MYL1: variants seen among roughly 807,000 people sequenced by gnomAD.
MYL1 encodes the protein myosin light chain 1, also known as myosin light chain 1/3, skeletal muscle isoform.
MYL1 carries 16 observed loss-of-function variants against 21.8 expected under a neutral mutation model. The ratio of observed to expected loss-of-function variants is 0.74; its 90% CI spans 0.50 to 1.12. The LOEUF (loss-of-function observed/expected upper bound fraction) is 1.12, where lower values mean the gene tolerates loss of function less well. Ranked by LOEUF, MYL1 falls within the 50% of genes most tolerant of loss-of-function variation. The pLI, the probability that MYL1 is intolerant of heterozygous loss-of-function variation, is 0.00. For missense variants in MYL1, 246 were observed against 241.0 expected (o/e 1.02, Z -0.14); for synonymous variants, 99 against 85.2 (o/e 1.16, Z -0.89).
Position 210,294,769 on chromosome 2 carries a change from T to G in MYL1, c.305-351A>C, listed in dbSNP as rs938903667. ...GTTTAATAGAATATCTAGTATAAAC[T>G]GAGTGCTTAATAAGTGTTAGCTTTT... On this transcript the variant is annotated intron_variant, in intron 3 of 6. Coordinates refer to ENST00000352451, the MANE Select transcript of MYL1 (RefSeq NM_079420.3). Among the ~76,000 whole-genome samples the G allele has an allele frequency of 1.3e-5, 2 of 152,202 alleles. 1 individual carries two copies. Among genetic ancestry groups the G allele is most frequent in the South Asian group, 4.1e-4 (2 of 4,828 alleles).
chr2:210,300,713 T>G, intron 2 of MYL1, among the ~76,000 whole-genome samples: 1 of 152,246 alleles, frequency 6.6e-6, no homozygotes, highest in East Asian at 1.9e-4. Context: ...AATTTTATTT[T>G]TAATTAATTA....
intron 1 of MYL1, among the ~76,000 whole-genome samples, chr2:210,305,835 C>T (rs965266310): frequency 2.6e-5 from 4 of 151,360 alleles, no homozygotes; most frequent in Non-Finnish European, 4.4e-5. Context: ...CCGAGGCGGG[C>T]GGATCACCTG....
At position 210,303,597 on chromosome 2, in the gene MYL1, G is replaced by A; in HGVS notation, c.133-1082C>T. 3.7e-6 allele frequency: 6 copies of A among 1,603,648 alleles called. No individual in the cohort carries two copies. In the South Asian group the frequency reaches 5.6e-5, roughly 15 times the overall value. ...AGGGAAGCTGAAGAGTGAGTTGAGG[G>A]CTGCTCCGGTCCCTGAGTGGGGTCA... On this transcript the variant is annotated intron_variant, in intron 1 of 6. Coordinates refer to ENST00000352451, the MANE Select transcript of MYL1 (RefSeq NM_079420.3).
intron 1 of MYL1, among the ~76,000 whole-genome samples, chr2:210,310,638 T>C (rs925863843): frequency 6.6e-6 from 1 of 152,022 alleles, no homozygotes; most frequent in South Asian, 2.1e-4. Flanking sequence ...TATTTCACCC[T>C]CCTTCTGCAG....
chr2:210,304,046 T>TAGC (rs1421299657), intron 1 of MYL1, among the ~76,000 whole-genome samples: 2 of 152,214 alleles, frequency 1.3e-5, no homozygotes, highest in African/African-American at 4.8e-5. Context: ...GCAACTGCTA[T>TAGC]AGCAGGAGCA....
chr2:210,296,129 A>T (rs1217170166), intron 3 of MYL1, among the ~76,000 whole-genome samples: 2 of 152,174 alleles, frequency 1.3e-5, no homozygotes, highest in African/African-American at 4.8e-5. Flanking sequence ...GAAAAACTTC[A>T]GTTTTGTATC....
chr2:210,302,977 G>T, intron 1 of MYL1: 2 of 588,142 alleles, frequency 3.4e-6, no homozygotes, highest in South Asian at 2.4e-5. Context: ...AGATAATTAG[G>T]GAATATCTTT....
intron 1 of MYL1, among the ~76,000 whole-genome samples, chr2:210,312,679 C>CT (rs890397409): frequency 3.9e-4 from 59 of 151,656 alleles, no homozygotes; most frequent in Non-Finnish European, 4.7e-4. Context: ...ATTTGTTTCT[C>CT]TTTTTTTTCT....
chr2:210,294,510 G>T (rs977561383), intron 3 of MYL1, 92 bp from the exon 4 acceptor site: 1 of 1,234,382 alleles, frequency 8.1e-7, no homozygotes, highest in Non-Finnish European at 1.1e-6. Context: ...TAGGTTATCT[G>T]AAAAACCTTC....
intron 1 of MYL1, among the ~76,000 whole-genome samples, chr2:210,304,359 T>C (rs1021601760): frequency 6.6e-6 from 1 of 152,168 alleles, no homozygotes; most frequent in Admixed American, 6.5e-5. Flanking sequence ...GGAAAGCTGA[T>C]AGATCATTTT....
chr2:210,292,702 C>T (rs1367065930), intron 5 of MYL1, among the ~76,000 whole-genome samples: 1 of 152,104 alleles, frequency 6.6e-6, no homozygotes, highest in Non-Finnish European at 1.5e-5. Flanking sequence ...GTAACCACTC[C>T]AAAGTTATAA....
chr2:210,298,435 T>C lies in MYL1; in HGVS notation c.289A>G (p.Asn97Asp), dbSNP rs1204357982. The C allele has an allele frequency of 6.2e-7, 1 of 1,613,904 alleles. No individual in the cohort carries two copies. Among genetic ancestry groups the C allele is most frequent in the African/African-American group, 1.3e-5 (1 of 74,978 alleles). Residue 97 changes from asparagine to aspartate, a missense_variant, in exon 3 of 7, where the codon AAC becomes GAC. Physicochemically the swap from Asn to Asp is conservative, Grantham distance 23. Transcript: ENST00000352451. ...TNAEVRKVLG[N>D]PSNEELNAKK... ...GATGGGTTACCTTCATTGCTGGGGT[T>C]TCCCAGAACTTTCCTGACCTCTGCA...
chr2:210,310,173 T>G (rs1050910729), intron 1 of MYL1, among the ~76,000 whole-genome samples: 1 of 152,084 alleles, frequency 6.6e-6, no homozygotes, highest in Non-Finnish European at 1.5e-5. Flanking sequence ...TTTGAACTAT[T>G]AAAAGGCCAG....
chr2:210,294,051 A>G (rs1473783738), intron 4 of MYL1, among the ~76,000 whole-genome samples, 194 bp downstream of exon 4: 1 of 152,224 alleles, frequency 6.6e-6, no homozygotes, highest in Non-Finnish European at 1.5e-5. Context: ...TTCATTACCA[A>G]TATTTTAAGT....
chr2:210,300,381 T>G (rs774033197), intron 2 of MYL1, among the ~76,000 whole-genome samples: 6 of 152,164 alleles, frequency 3.9e-5, no homozygotes, highest in Non-Finnish European at 8.8e-5. Flanking sequence ...TTCCAGGGGC[T>G]GGTTGCCTGT....
chr2:210,303,471 C>T, intron 1 of MYL1: 3 of 1,461,786 alleles, frequency 2.1e-6, no homozygotes, highest in Admixed American at 3.8e-5. Flanking sequence ...GCCTATCTTT[C>T]TTCTCAATAA....
In MYL1 at chr2:210,290,274, A is replaced by C. The variant is rs1690054504; in HGVS notation, c.*208T>G. ...ATATTTTATTCTTCTCATCTAGAGC[A>C]GCAGACACTTTGTTTGTGTGGTATG... On this transcript the variant is annotated 3_prime_UTR_variant, in exon 7 of 7. Transcript: ENST00000352451. 6.6e-6 allele frequency: 1 copy of C among 152,160 alleles called. No homozygotes were observed. Among genetic ancestry groups the C allele is most frequent in the Non-Finnish European group, 1.5e-5 (1 of 68,016 alleles). The allele number at this position is 152,160 out of a possible 1,614,324, so 9.4% of individuals were successfully genotyped here. A position where few individuals can be genotyped will look rare whatever the true frequency, so the allele number is the denominator to read the frequency against.
At chr2:210,294,758 C>G (rs1351101161) in intron 3 of MYL1, among the ~76,000 whole-genome samples, 1 of 152,008 alleles carries the variant, frequency 6.6e-6, no homozygotes, top group Non-Finnish European at 1.5e-5. Flanking sequence ...AATAGAATAT[C>G]TAGTATAAAC....
intron 6 of MYL1, 123 bp downstream of exon 6, chr2:210,290,909 T>G (rs1293187342): frequency 1.9e-6 from 1 of 518,798 alleles, no homozygotes; most frequent in African/African-American, 2.0e-5. Context: ...ATTTTCTAAT[T>G]AATATAAATA....
Sources: allele counts gnomAD v4.1 joint callset (sites outside exome capture counted in the v4.1 genomes callset), GRCh38; gene constraint gnomAD v4.1.1; transcripts MANE v1.5; gene names NCBI Gene and HGNC (gene_info 2026-07-23, HGNC 2026-07-21).